Variants in AGBL4 observed in about 807,000 individuals in gnomAD.
AGBL4 encodes cytosolic carboxypeptidase 6.
A neutral mutation model predicts 66.4 loss-of-function variants in AGBL4; 58 were observed. That is an observed-to-expected ratio of 0.87 (90% CI 0.71 to 1.09). The LOEUF (loss-of-function observed/expected upper bound fraction) is 1.09, where lower values mean the gene tolerates loss of function less well. Ranked by LOEUF, AGBL4 falls within the 50% of genes least tolerant of loss-of-function variation. The pLI is 0.00. For missense variants in AGBL4, 579 were observed against 631.0 expected, an observed-to-expected ratio of 0.92 and a Z score of 0.88; for synonymous variants, 234 against 222.9, an observed-to-expected ratio of 1.05 and a Z score of -0.44.
chr1:48,674,387 G>T (rs769732632), intron 6 of AGBL4, among the ~76,000 whole-genome samples: 1 of 152,294 alleles, frequency 6.6e-6, no homozygotes, highest in East Asian at 1.9e-4. Context: ...TCATATAGCT[G>T]GCAAGTGATG....
chr1:49,651,965 A>T (rs1374433944), intron 3 of AGBL4, among the ~76,000 whole-genome samples: 1 of 152,144 alleles, frequency 6.6e-6, no homozygotes, highest in Non-Finnish European at 1.5e-5. Flanking sequence ...AGAAACTAGA[A>T]AAAAACAATT....
intron 6 of AGBL4, among the ~76,000 whole-genome samples, chr1:48,743,252 T>C (rs1650210631): frequency 6.6e-6 from 1 of 152,182 alleles, no homozygotes; most frequent in Non-Finnish European, 1.5e-5. Context: ...ACCTAGTATC[T>C]AGACTGGAGC....
intron 2 of AGBL4, among the ~76,000 whole-genome samples, chr1:49,802,458 T>C (rs1385629298): frequency 6.6e-6 from 1 of 152,246 alleles, no homozygotes; most frequent in Admixed American, 6.5e-5. Flanking sequence ...CTGATTAATA[T>C]CTTGCTAATC....
chr1:48,543,518 G>A (rs1644110334), intron 11 of AGBL4, among the ~76,000 whole-genome samples: 1 of 152,142 alleles, frequency 6.6e-6, no homozygotes, highest in Non-Finnish European at 1.5e-5. Flanking sequence ...GAGGGGTCTT[G>A]GTAGGTCATA....
At chr1:48,981,323 C>T (rs1172103969) in intron 5 of AGBL4, among the ~76,000 whole-genome samples, 2 of 152,044 alleles carry the variant, frequency 1.3e-5, no homozygotes, top group East Asian at 3.9e-4. Flanking sequence ...ATTCTATATA[C>T]TTTATATATG....
chr1:49,927,342 T>C lies in AGBL4; in HGVS notation c.35-75824A>G, dbSNP rs186800302. Among the ~76,000 whole-genome samples, 110 of 152,286 alleles carry C rather than the reference T, an allele frequency of 7.2e-4. 1 individual carries two copies. Among genetic ancestry groups the C allele is most frequent in the African/African-American group, 2.6e-3 (106 of 41,556 alleles). On this transcript the variant is annotated intron_variant, in intron 1 of 13. Transcript: ENST00000371839. ...TAATTTATAAAGGAAAGAGTTTTAATGGACTCAAAGTTCCACATGGCCATG... is the reference window on the plus strand; with the variant it reads ...TAATTTATAAAGGAAAGAGTTTTAACGGACTCAAAGTTCCACATGGCCATG...
Position 49,240,115 on chromosome 1 carries a change from A to G in AGBL4, c.377+5655T>C, listed in dbSNP as rs545523792. Reference sequence around the variant, plus strand: ...AAGACACCACTAATTTCAAAATTTTAAAATTTTGACAGGAGCGAGGCTAAA... The same window carrying G: ...AAGACACCACTAATTTCAAAATTTTGAAATTTTGACAGGAGCGAGGCTAAA... On this transcript the variant is annotated intron_variant, in intron 4 of 13. Transcript: ENST00000371839. 4.0e-4 allele frequency among the ~76,000 whole-genome samples: 61 copies of G among 152,226 alleles called. No individual in the cohort carries two copies. In the South Asian group the frequency reaches 0.012, roughly 31 times the overall value.
At chr1:48,813,944 G>T (rs1191748652) in intron 6 of AGBL4, among the ~76,000 whole-genome samples, 1 of 151,728 alleles carries the variant, frequency 6.6e-6, no homozygotes, top group East Asian at 1.9e-4. Flanking sequence ...GGGATTTGGA[G>T]CCAAAATCCT....
intron 3 of AGBL4, among the ~76,000 whole-genome samples, chr1:49,333,632 A>C (rs183307866): frequency 6.6e-6 from 1 of 152,342 alleles, no homozygotes; most frequent in East Asian, 1.9e-4. Flanking sequence ...AAAATAAATA[A>C]AAGGGCCATA....
intron 3 of AGBL4, among the ~76,000 whole-genome samples, chr1:49,369,030 T>C (rs1452350310): frequency 6.6e-6 from 1 of 151,866 alleles, no homozygotes; most frequent in East Asian, 1.9e-4. Flanking sequence ...TGAGCCAAGG[T>C]AGCACCTAGC....
chr1:49,276,689 T>C (rs1336993173), intron 3 of AGBL4, among the ~76,000 whole-genome samples: 1 of 152,204 alleles, frequency 6.6e-6, no homozygotes, highest in Non-Finnish European at 1.5e-5. Flanking sequence ...CCATCTTTGC[T>C]AGTCAAGCCT....
At chr1:50,019,147 A>C (rs1190015427) in intron 1 of AGBL4, among the ~76,000 whole-genome samples, 1 of 152,112 alleles carries the variant, frequency 6.6e-6, no homozygotes, top group Non-Finnish European at 1.5e-5. Context: ...CATAATAAAA[A>C]GAAATCTGAG....
intron 3 of AGBL4, among the ~76,000 whole-genome samples, chr1:49,424,063 ACCCT>A (rs1645605427): frequency 6.6e-6 from 1 of 151,868 alleles, no homozygotes; most frequent in Non-Finnish European, 1.5e-5. Flanking sequence ...CATCCCCAAC[ACCCT>A]CTGGTCTGCT....
At chr1:48,895,778 CT>C (rs1165344941) in intron 5 of AGBL4, among the ~76,000 whole-genome samples, 1 of 152,134 alleles carries the variant, frequency 6.6e-6, no homozygotes, top group Non-Finnish European at 1.5e-5. Flanking sequence ...CTCATCCATT[CT>C]GATCATTTAA....
In AGBL4 at chr1:48,569,264, T is replaced by C. The variant is rs573012617; in HGVS notation, c.1267+17740A>G. On this transcript the variant is annotated intron_variant, in intron 11 of 13. Transcript: ENST00000371839. ...AGGGAAGAATATAGAGACTTCTTCA[T>C]TCAACTGCACCTTAAGGGAAGAAGC... 3.9e-5 allele frequency among the ~76,000 whole-genome samples: 6 copies of C among 152,358 alleles called. No homozygotes were observed. The South Asian group carries it at 1.2e-3, about 32-fold the overall frequency.
chr1:49,229,590 C>A (rs1372350883), intron 4 of AGBL4, among the ~76,000 whole-genome samples: 4 of 152,170 alleles, frequency 2.6e-5, no homozygotes, highest in East Asian at 3.9e-4. Flanking sequence ...AATCAGTCAT[C>A]TGTAAAATTC....
intron 9 of AGBL4, among the ~76,000 whole-genome samples, chr1:48,600,450 T>A (rs1359634643): frequency 2.6e-5 from 4 of 151,568 alleles, no homozygotes; most frequent in Non-Finnish European, 4.4e-5. Context: ...GGTGGTTGTG[T>A]GGGAACCCGA....
At chr1:49,317,669 A>G (rs12036551) in intron 3 of AGBL4, among the ~76,000 whole-genome samples, 69,251 of 151,470 alleles carry the variant, frequency 0.46, 17,581 homozygotes, top group Non-Finnish European at 0.58. Context: ...TCACTCTCCA[A>G]ACAAATCCAA....
intron 4 of AGBL4, among the ~76,000 whole-genome samples, chr1:49,095,208 T>A (rs1220891965): frequency 1.3e-5 from 2 of 152,148 alleles, no homozygotes; most frequent in East Asian, 3.8e-4. Flanking sequence ...TGGAAGAACA[T>A]TCCATGCTCA....
Sources: allele counts gnomAD v4.1 joint callset (sites outside exome capture counted in the v4.1 genomes callset), GRCh38; gene constraint gnomAD v4.1.1; transcripts MANE v1.5; gene names NCBI Gene and HGNC (gene_info 2026-07-23, HGNC 2026-07-21).